The following CD6 variants were observed in gnomAD, a reference collection of about 807,000 sequenced individuals.
The protein encoded by CD6 is T-cell differentiation antigen CD6.
In CD6, 53 loss-of-function variants were observed where a neutral mutation model predicts 75.3. The observed-to-expected ratio is 0.70, with a 90% CI of 0.56 to 0.88. The LOEUF (loss-of-function observed/expected upper bound fraction) is 0.88, where lower values mean the gene tolerates loss of function less well. Ranked by LOEUF, CD6 falls within the 40% of genes least tolerant of loss-of-function variation. The pLI is 0.00. For synonymous variants in CD6, 359 were observed against 381.5 expected (o/e 0.94, Z 0.69); for missense variants, 770 against 897.1 (o/e 0.86, Z 1.81).
Position 61,007,783 on chromosome 11 carries a change from C to G in CD6, c.342C>G (p.Ser114Arg). 6.8e-7 allele frequency: 1 copy of G among 1,476,430 alleles called. No individual in the cohort carries two copies. The highest frequency in any genetic ancestry group is 9.0e-7 in the Non-Finnish European group (1 of 1,115,940). The allele number at this position is 1,476,430 out of a possible 1,614,324, so 91.5% of individuals were successfully genotyped here. The change falls in exon 3 of 13, where the codon AGC (serine) becomes AGG (arginine). Residue 114 changes from serine to arginine, a missense_variant. Physicochemically the swap from Ser to Arg is moderately radical, Grantham distance 110. Coordinates refer to ENST00000313421, the MANE Select transcript of CD6 (RefSeq NM_006725.5). The surrounding 1 kb of genome is among the most constrained non-coding windows in gnomAD (Gnocchi z 4.2). ...CCCCGCCTGCAGCCGGGAACACCAGCGTAGCAGCTAATGCCACTCTGGCCG... is the reference window on the plus strand; with the variant it reads ...CCCCGCCTGCAGCCGGGAACACCAGGGTAGCAGCTAATGCCACTCTGGCCG... ...LPPPPAAGNT[S>R]VAANATLAGA... is the part of the protein sequence containing the mutation.
intron 1 of CD6, among the ~76,000 whole-genome samples, chr11:60,995,878 T>C (rs1305040802): frequency 6.6e-6 from 1 of 152,108 alleles, no homozygotes; most frequent in African/African-American, 2.4e-5. Context: ...TGTGTCACCA[T>C]TGCGGGGGAA....
At chr11:61,010,702 C>G (rs1469772122) in intron 5 of CD6, among the ~76,000 whole-genome samples, 1 of 152,170 alleles carries the variant, frequency 6.6e-6, no homozygotes, top group Admixed American at 6.5e-5. Flanking sequence ...ACCTGCCCAA[C>G]GGGAATGCCG....
chr11:60,998,414 C>G (rs1858407224), intron 1 of CD6, among the ~76,000 whole-genome samples: 1 of 152,158 alleles, frequency 6.6e-6, no homozygotes, highest in African/African-American at 2.4e-5. Context: ...AGATCAAAAT[C>G]TCATCAATCT....
Position 61,007,689 on chromosome 11 carries a change from G to A in CD6, c.248G>A (p.Cys83Tyr). The part of the protein sequence containing the change: ...LWDSRAAEAV[C>Y]RALGCGGAEA... ...GACAGCCGCGCCGCCGAGGCCGTGT[G>A]CCGAGCACTGGGCTGCGGCGGGGCG... Residue 83 changes from cysteine to tyrosine, a missense_variant, in exon 3 of 13, where the codon TGC becomes TAC. Coordinates refer to ENST00000313421, the MANE Select transcript of CD6 (RefSeq NM_006725.5). This position sits in a 1 kb window ranked among gnomAD's most constrained non-coding sequence, Gnocchi z 4.2. 1 of 1,416,242 alleles carries A rather than the reference G, an allele frequency of 7.1e-7. No homozygotes were observed. The highest frequency in any genetic ancestry group is 9.2e-7 in the Non-Finnish European group (1 of 1,085,430). The allele number at this position is 1,416,242 out of a possible 1,614,324, so 87.7% of individuals were successfully genotyped here. A position where few individuals can be genotyped will look rare whatever the true frequency, so the allele number is the denominator to read the frequency against.
intron 1 of CD6, among the ~76,000 whole-genome samples, chr11:60,981,667 C>T (rs1446706050): frequency 6.6e-6 from 1 of 152,194 alleles, no homozygotes; most frequent in Non-Finnish European, 1.5e-5. Context: ...GCTGCTGCTC[C>T]GACTGGGACC....
chr11:61,018,505 TAAAAG>T, intron 12 of CD6, 112 bp downstream of exon 12: 1 of 597,750 alleles, frequency 1.7e-6, no homozygotes, highest in South Asian at 2.4e-5. Flanking sequence ...AAAGGAAGGG[TAAAAG>T]AAGAGAGGGA....
intron 2 of CD6, among the ~76,000 whole-genome samples, chr11:61,006,908 G>A (rs1858887842): frequency 6.6e-6 from 1 of 152,196 alleles, no homozygotes; most frequent in Non-Finnish European, 1.5e-5. Context: ...GAACAGGCTA[G>A]AGTTCTTGGT....
intron 1 of CD6, 126 bp downstream of exon 1, chr11:60,972,040 G>T: frequency 1.0e-6 from 1 of 972,922 alleles, no homozygotes; most frequent in Non-Finnish European, 1.6e-6. Context: ...ACTACACTCA[G>T]GTACCAGGGA....
At chr11:60,975,852 G>A (rs898536235) in intron 1 of CD6, among the ~76,000 whole-genome samples, 1 of 152,060 alleles carries the variant, frequency 6.6e-6, no homozygotes, top group South Asian at 2.1e-4. Flanking sequence ...AATTACATGC[G>A]TAACTTGCAT....
intron 1 of CD6, among the ~76,000 whole-genome samples, chr11:61,000,127 A>C (rs1279393393): frequency 6.6e-6 from 1 of 152,160 alleles, no homozygotes; most frequent in Non-Finnish European, 1.5e-5. Context: ...CTGGGGCTCC[A>C]GTGGATGGAA....
At chr11:61,006,091 T>G (rs558016584) in intron 1 of CD6, among the ~76,000 whole-genome samples, 2 of 152,248 alleles carry the variant, frequency 1.3e-5, no homozygotes, top group African/African-American at 4.8e-5. Context: ...AAGTCTGATA[T>G]GAAATTCTCA....
At chr11:61,010,906 G>T (rs1859108118) in intron 5 of CD6, among the ~76,000 whole-genome samples, 164 bp from the exon 6 acceptor site, 1 of 152,100 alleles carries the variant, frequency 6.6e-6, no homozygotes, top group Non-Finnish European at 1.5e-5. Context: ...TGTGGGGGGT[G>T]GGGTAGGGGA....
At chr11:60,977,711 C>T (rs1857414226) in intron 1 of CD6, among the ~76,000 whole-genome samples, 1 of 152,106 alleles carries the variant, frequency 6.6e-6, no homozygotes, top group South Asian at 2.1e-4. Context: ...CTCACTGCAG[C>T]TTCAAACTCC....
intron 5 of CD6, 44 bp downstream of exon 5, chr11:61,009,918 T>C: frequency 2.0e-6 from 3 of 1,507,706 alleles, no homozygotes; most frequent in Non-Finnish European, 2.7e-6. Flanking sequence ...GCCAGAATTC[T>C]ACCTGAATCC....
chr11:61,018,497 A>C (rs1859532605), intron 12 of CD6, 104 bp downstream of exon 12: 1 of 916,058 alleles, frequency 1.1e-6, no homozygotes, highest in Non-Finnish European at 1.7e-6. Context: ...AAAAGGAGAA[A>C]GGAAGGGTAA....
chr11:61,006,616 G>A lies in CD6; in HGVS notation c.92G>A (p.Ser31Asn), dbSNP rs1186922388. The change falls in exon 2 of 13, where the codon AGT becomes AAT. Residue 31 changes from serine to asparagine, a missense_variant. Ser to Asn is a conservative substitution (Grantham distance 46). Coordinates refer to ENST00000313421, the MANE Select transcript of CD6 (RefSeq NM_006725.5). ...CCACCTGACCAGCTCAACACCAGCA[G>A]TGCAGAGAGTGAGCTCTGGGAGCCA... ...PAPPDQLNTS[S>N]AESELWEPGE... The A allele has an allele frequency of 6.2e-7, 1 of 1,610,780 alleles. No individual in the cohort carries two copies. The highest frequency in any genetic ancestry group is 8.5e-7 in the Non-Finnish European group (1 of 1,178,646).
rs370398631 is a variant in CD6 at position 61,014,197 on chromosome 11, A to G, written c.1387+183A>G. On this transcript the variant is annotated intron_variant, in intron 8 of 12. Coordinates refer to ENST00000313421, the MANE Select transcript of CD6 (RefSeq NM_006725.5). ...GTCGTCCCTGGACATTGAAGGGCAGATGACCTTCCAGTTCAGTCATGCTAG... is the reference window on the plus strand; with the variant it reads ...GTCGTCCCTGGACATTGAAGGGCAGGTGACCTTCCAGTTCAGTCATGCTAG... Among the ~76,000 whole-genome samples the G allele has an allele frequency of 1.3e-3, 198 of 152,356 alleles. 1 individual carries two copies. The highest frequency in any genetic ancestry group is 4.5e-3 in the African/African-American group (187 of 41,596).
chr11:60,984,597 A>G (rs2135037216), intron 1 of CD6, among the ~76,000 whole-genome samples: 1 of 152,370 alleles, frequency 6.6e-6, no homozygotes, highest in South Asian at 2.1e-4. Flanking sequence ...AGAAGCTTCT[A>G]TTCTAATAGG....
intron 1 of CD6, among the ~76,000 whole-genome samples, chr11:60,998,849 G>GAA (rs56391909): frequency 3.9e-5 from 5 of 129,370 alleles, no homozygotes; most frequent in Admixed American, 7.8e-5. Flanking sequence ...ACACAAGGCA[G>GAA]AAAAAAAAAA....
Sources: gnomAD v4.1 joint callset for allele counts (sites outside exome capture counted in the v4.1 genomes callset) on GRCh38, gnomAD v4.1.1 for gene constraint, Gnocchi (gnomAD v3.1) non-coding constraint, MANE v1.5 for transcripts, NCBI Gene and HGNC (gene_info 2026-07-23, HGNC 2026-07-21) for gene names.